The following LCLAT1 variants were observed in gnomAD, a reference collection of about 807,000 sequenced individuals.
LCLAT1 encodes lysocardiolipin acyltransferase 1, also known as 1-AGP acyltransferase 8.
A neutral mutation model predicts 30.7 loss-of-function variants in LCLAT1; 11 were observed. The ratio of observed to expected loss-of-function variants is 0.36; its 90% CI spans 0.23 to 0.59. LCLAT1 has a LOEUF of 0.59. LCLAT1 is among the 20% of genes least tolerant of loss of function. The probability of loss-of-function intolerance (pLI) is 0.77; values close to 1 mark genes in which losing one functional copy is unlikely to be tolerated. For synonymous variants in LCLAT1, 155 were observed against 151.3 expected (o/e 1.02, Z -0.18); for missense variants, 402 against 458.6 (o/e 0.88, Z 1.13).
At chr2:30,546,145 G>T (rs578250706) in intron 3 of LCLAT1, among the ~76,000 whole-genome samples, 1 of 152,152 alleles carries the variant, frequency 6.6e-6, no homozygotes, top group Non-Finnish European at 1.5e-5. Context: ...CATGGCCTCT[G>T]ATGAATGCTT....
chr2:30,486,868 C>T (rs1213074178), intron 1 of LCLAT1, among the ~76,000 whole-genome samples: 1 of 152,196 alleles, frequency 6.6e-6, no homozygotes, highest in Non-Finnish European at 1.5e-5. Flanking sequence ...AGCCTTCCTC[C>T]TCCACCCTAT....
intron 3 of LCLAT1, among the ~76,000 whole-genome samples, chr2:30,540,463 G>C (rs1259587376): frequency 8.5e-5 from 13 of 152,120 alleles, no homozygotes; most frequent in Non-Finnish European, 1.9e-4. Context: ...ATCAGTAAGA[G>C]TTGAAACCTA....
At chr2:30,597,608 C>A (rs147349119) in intron 5 of LCLAT1, among the ~76,000 whole-genome samples, 4 of 152,150 alleles carry the variant, frequency 2.6e-5, no homozygotes, top group African/African-American at 9.7e-5. Flanking sequence ...ATTTGGCTTC[C>A]TCTCTTCCTA....
intron 3 of LCLAT1, among the ~76,000 whole-genome samples, chr2:30,537,482 A>T (rs190877591): frequency 1.2e-4 from 18 of 150,064 alleles, no homozygotes; most frequent in African/African-American, 4.2e-4. Context: ...ATATAGTGAT[A>T]AAGGGATCAA....
chr2:30,541,613 A>G (rs546334917), intron 3 of LCLAT1, among the ~76,000 whole-genome samples: 5 of 152,166 alleles, frequency 3.3e-5, no homozygotes, highest in Non-Finnish European at 5.9e-5. Flanking sequence ...CTAATTATGC[A>G]TAAGTACCAT....
intron 1 of LCLAT1, among the ~76,000 whole-genome samples, chr2:30,500,577 C>T (rs779496669): frequency 8.5e-5 from 13 of 152,192 alleles, no homozygotes; most frequent in Non-Finnish European, 1.8e-4. Flanking sequence ...TAGGGATCCT[C>T]TCTGCAGAAA....
chr2:30,497,403 T>TAA (rs568180351), intron 1 of LCLAT1, among the ~76,000 whole-genome samples: 23 of 152,340 alleles, frequency 1.5e-4, no homozygotes, highest in Middle Eastern at 3.4e-3. Context: ...TAATCAAGGA[T>TAA]AAAAATCTTT....
chr2:30,563,115 T>G lies in LCLAT1; in HGVS notation c.511+823T>G, dbSNP rs1665319854. On this transcript the variant is annotated intron_variant, in intron 4 of 5. Coordinates refer to ENST00000379509, the MANE Select transcript of LCLAT1 (RefSeq NM_001002257.3). ...CTGGAGTGCAGTGGCATGATCATGG[T>G]TCACTACAGCCTTGAACTCCTGGGC... Among the ~76,000 whole-genome samples, 3 of 152,070 alleles carry G rather than the reference T, an allele frequency of 2.0e-5. No homozygotes were observed. The South Asian group carries it at 6.2e-4, about 32-fold the overall frequency.
chr2:30,587,213 T>C (rs1414147168), intron 5 of LCLAT1, among the ~76,000 whole-genome samples: 1 of 152,256 alleles, frequency 6.6e-6, no homozygotes, highest in Non-Finnish European at 1.5e-5. Context: ...AGAAGACTTC[T>C]GAGATCTCTT....
chr2:30,508,768 T>C (rs1684799207), intron 1 of LCLAT1, among the ~76,000 whole-genome samples: 1 of 152,160 alleles, frequency 6.6e-6, no homozygotes, highest in Non-Finnish European at 1.5e-5. Context: ...TGGTTCCATA[T>C]GATTTTTAAA....
chr2:30,475,048 A>T (rs1392196650), intron 1 of LCLAT1, among the ~76,000 whole-genome samples: 1 of 151,924 alleles, frequency 6.6e-6, no homozygotes, highest in African/African-American at 2.4e-5. Flanking sequence ...CCCAGGCTGG[A>T]GTACAGTGGC....
At chr2:30,460,619 T>G (rs1293711883) in intron 1 of LCLAT1, among the ~76,000 whole-genome samples, 2 of 152,222 alleles carry the variant, frequency 1.3e-5, no homozygotes, top group Non-Finnish European at 2.9e-5. Context: ...AATCTTGGGA[T>G]TTCCTTATAG....
chr2:30,473,635 A>T (rs530062678), intron 1 of LCLAT1, among the ~76,000 whole-genome samples: 1 of 152,326 alleles, frequency 6.6e-6, no homozygotes, highest in Admixed American at 6.5e-5. Context: ...CGTTCTATGG[A>T]GCAGAGTCTA....
At chr2:30,551,032 G>A (rs774911458) in intron 3 of LCLAT1, among the ~76,000 whole-genome samples, 6 of 152,112 alleles carry the variant, frequency 3.9e-5, no homozygotes, top group Non-Finnish European at 7.4e-5. Context: ...AGGTTGGTGT[G>A]CGGTGGTGCG....
At chr2:30,588,439 G>T (rs963058652) in intron 5 of LCLAT1, among the ~76,000 whole-genome samples, 3 of 152,180 alleles carry the variant, frequency 2.0e-5, no homozygotes, top group African/African-American at 7.2e-5. Flanking sequence ...GCACATACAT[G>T]GGGATGAGGA....
chr2:30,619,630 G>A (rs891267823), intron 5 of LCLAT1, among the ~76,000 whole-genome samples: 2 of 152,194 alleles, frequency 1.3e-5, no homozygotes, highest in African/African-American at 4.8e-5. Context: ...AGGTCAGGAA[G>A]GCCACTATTC....
At chr2:30,561,915 A>T (rs1036714139) in intron 3 of LCLAT1, among the ~76,000 whole-genome samples, 8 of 152,244 alleles carry the variant, frequency 5.3e-5, no homozygotes, top group South Asian at 2.1e-4. Flanking sequence ...TTGAAAAGAT[A>T]ATTTTGAGAA....
intron 1 of LCLAT1, among the ~76,000 whole-genome samples, chr2:30,514,556 G>A (rs1572553575): frequency 6.6e-6 from 1 of 152,292 alleles, no homozygotes; most frequent in East Asian, 1.9e-4. Context: ...AGAGCCCTCT[G>A]TAAAGTTCCT....
At chr2:30,553,612 G>A (rs112453168) in intron 3 of LCLAT1, among the ~76,000 whole-genome samples, 71 of 151,980 alleles carry the variant, frequency 4.7e-4, no homozygotes, top group African/African-American at 1.7e-3. Context: ...TCAGGAGATC[G>A]AGACCATCCT....
Sources: allele counts gnomAD v4.1 joint callset (sites outside exome capture counted in the v4.1 genomes callset), GRCh38; gene constraint gnomAD v4.1.1; transcripts MANE v1.5; gene names NCBI Gene and HGNC (gene_info 2026-07-23, HGNC 2026-07-21).